QTMAN: variants seen among roughly 807,000 people sequenced by gnomAD.
The protein encoded by QTMAN is queuosine-tRNA mannosyltransferase, also known as tRNA-queuosine alpha-mannosyltransferase.
chr2:144,326,199 G>A, the QTMAN span, among the ~76,000 whole-genome samples: 1 of 152,070 alleles, frequency 6.6e-6, no homozygotes, highest in Admixed American at 6.5e-5. Flanking sequence ...GCCTTACAAG[G>A]CAACATAGTG....
At chr2:144,173,400 T>C in the QTMAN span, among the ~76,000 whole-genome samples, 1 of 152,240 alleles carries the variant, frequency 6.6e-6, no homozygotes, top group African/African-American at 2.4e-5. Flanking sequence ...TCTCTCCCTT[T>C]GCTGGCTTTG....
chr2:144,184,513 T>C, the QTMAN span, among the ~76,000 whole-genome samples: 1 of 152,172 alleles, frequency 6.6e-6, no homozygotes, highest in Non-Finnish European at 1.5e-5. Context: ...AGAAACAATA[T>C]GGAATTTTCT....
At chr2:144,113,499 C>A in the QTMAN span, among the ~76,000 whole-genome samples, 1 of 151,792 alleles carries the variant, frequency 6.6e-6, no homozygotes. Context: ...TGTGTCATTA[C>A]ACTCCCAGAA....
At chr2:143,979,682 C>T in the QTMAN span, among the ~76,000 whole-genome samples, 3 of 152,104 alleles carry the variant, frequency 2.0e-5, no homozygotes, top group Non-Finnish European at 4.4e-5. Flanking sequence ...GCATTTTCAC[C>T]AAATATATAA....
chr2:144,111,832 G>C, the QTMAN span, among the ~76,000 whole-genome samples: 1 of 152,280 alleles, frequency 6.6e-6, no homozygotes, highest in East Asian at 1.9e-4. Context: ...CTGGAATTCA[G>C]ATGCTCGGCC....
At chr2:144,326,615 T>C in the QTMAN span, among the ~76,000 whole-genome samples, 4 of 147,546 alleles carry the variant, frequency 2.7e-5, no homozygotes, top group Non-Finnish European at 6.0e-5. Flanking sequence ...AAACACAGAC[T>C]CTCCAGTACT....
chr2:144,211,348 G>C, the QTMAN span: 1 of 152,632 alleles, frequency 6.6e-6, no homozygotes. Flanking sequence ...ATTTACGTGA[G>C]CATTTTTTCT....
chr2:144,233,139 TA>T, the QTMAN span, among the ~76,000 whole-genome samples: 3 of 152,220 alleles, frequency 2.0e-5, no homozygotes, highest in East Asian at 5.8e-4. Flanking sequence ...CAACAAGAGA[TA>T]CCTTGGCATA....
chr2:144,044,678 T>C, the QTMAN span, among the ~76,000 whole-genome samples: 2 of 152,204 alleles, frequency 1.3e-5, no homozygotes, highest in Non-Finnish European at 2.9e-5. Flanking sequence ...AGATTTTGCA[T>C]TAGAAAACAT....
At chr2:144,293,863 A>T in the QTMAN span, among the ~76,000 whole-genome samples, 59 of 152,312 alleles carry the variant, frequency 3.9e-4, no homozygotes, top group African/African-American at 1.3e-3. Context: ...AACTCCCAAG[A>T]ATGTTTGAGC....
At chr2:144,327,905 T>G in the QTMAN span, among the ~76,000 whole-genome samples, 1 of 152,134 alleles carries the variant, frequency 6.6e-6, no homozygotes, top group African/African-American at 2.4e-5. Context: ...TATGGACTAT[T>G]TATAAGTTAC....
chr2:143,951,694 A>ATT, the QTMAN span, among the ~76,000 whole-genome samples: 57 of 151,614 alleles, frequency 3.8e-4, 2 homozygotes, highest in East Asian at 0.011. Context: ...ACATTAATTC[A>ATT]GGTTCATTTT....
the QTMAN span, among the ~76,000 whole-genome samples, chr2:144,184,318 C>G: frequency 1.3e-5 from 2 of 151,884 alleles, no homozygotes; most frequent in Non-Finnish European, 2.9e-5. Context: ...AGATTTTCTA[C>G]AAGTGTTAAC....
At chr2:143,939,438 C>T in the QTMAN span, 6 of 152,304 alleles carry the variant, frequency 3.9e-5, no homozygotes, top group South Asian at 2.1e-4. Context: ...CCTGGCATCA[C>T]ACATCTATGT....
At chr2:144,059,784 C>T in the QTMAN span, among the ~76,000 whole-genome samples, 1 of 152,098 alleles carries the variant, frequency 6.6e-6, no homozygotes, top group Non-Finnish European at 1.5e-5. Flanking sequence ...TTAGAATGTG[C>T]CACATGTTAC....
At chr2:144,310,150 T>A in the QTMAN span, among the ~76,000 whole-genome samples, 1 of 152,118 alleles carries the variant, frequency 6.6e-6, no homozygotes, top group Non-Finnish European at 1.5e-5. Flanking sequence ...AGATGCAACA[T>A]CTCAAGACCC....
chr2:144,038,887 C>T, the QTMAN span, among the ~76,000 whole-genome samples: 10 of 152,004 alleles, frequency 6.6e-5, no homozygotes, highest in Non-Finnish European at 1.2e-4. Context: ...TGTAGAAGAA[C>T]CTTTGTTTTT....
chr2:144,317,249 A>T, the QTMAN span, among the ~76,000 whole-genome samples: 1 of 152,156 alleles, frequency 6.6e-6, no homozygotes, highest in South Asian at 2.1e-4. Flanking sequence ...CTTTAAAGAA[A>T]AGCATTTTAA....
chr2:144,013,258 T>C, the QTMAN span, among the ~76,000 whole-genome samples: 107 of 152,274 alleles, frequency 7.0e-4, no homozygotes, highest in East Asian at 0.02. Context: ...GATGTGATAA[T>C]TGTTTCCCAA....
Sources: gnomAD v4.1 joint callset for allele counts (sites outside exome capture counted in the v4.1 genomes callset) on GRCh38, gnomAD v4.1.1 for gene constraint, MANE v1.5 for transcripts, NCBI Gene and HGNC (gene_info 2026-07-23, HGNC 2026-07-21) for gene names.